Variants in SMG1 observed in about 807,000 individuals in gnomAD.
SMG1 encodes the protein serine/threonine-protein kinase SMG1.
SMG1 carries 22 observed loss-of-function variants against 419.9 expected under a neutral mutation model. The observed-to-expected ratio is 0.05, with a 90% CI of 0.04 to 0.07. The LOEUF is 0.07. Ranked by LOEUF, SMG1 falls within the 10% of genes least tolerant of loss-of-function variation. The pLI, the probability that SMG1 is intolerant of heterozygous loss-of-function variation, is 1.00. For synonymous variants in SMG1, 1,538 were observed against 1,553.5 expected (o/e 0.99, Z 0.23); for missense variants, 3,185 against 4,342.0 (o/e 0.73, Z 7.49).
chr16:18,885,723 C>G, intron 6 of SMG1, 57 bp from the exon 7 acceptor site: 1 of 1,521,144 alleles, frequency 6.6e-7, no homozygotes, highest in Non-Finnish European at 9.0e-7. Flanking sequence ...AGAAAACAAG[C>G]AAATTAGGTT....
At chr16:18,810,473 A>G (rs1158911238) in intron 62 of SMG1, among the ~76,000 whole-genome samples, 3 of 152,208 alleles carry the variant, frequency 2.0e-5, no homozygotes, top group Non-Finnish European at 2.9e-5. Context: ...ACAAGGATGG[A>G]CAGTCCCTGA....
chr16:18,814,041 A>AT (rs2031736835), intron 60 of SMG1, among the ~76,000 whole-genome samples: 1 of 148,440 alleles, frequency 6.7e-6, no homozygotes, highest in South Asian at 2.1e-4. Context: ...AAAAAAAAAA[A>AT]AAAAATTAAA....
Position 18,875,780 on chromosome 16 carries a change from C to A in SMG1, c.1890+344G>T, listed in dbSNP as rs191810526. 411 of 339,916 alleles carry A rather than the reference C, an allele frequency of 1.2e-3. 3 individuals carry two copies. The highest frequency in any genetic ancestry group is 7.4e-3 in the African/African-American group (343 of 46,400). The allele number at this position is 339,916 out of a possible 1,614,324, so 21.1% of individuals were successfully genotyped here. Reference sequence around the variant, plus strand: ...AAGTACCAGGGGAAGAAGAAAGAGACCGCATTTTAAAACAACTACACAAAT... The same window carrying A: ...AAGTACCAGGGGAAGAAGAAAGAGAACGCATTTTAAAACAACTACACAAAT... On this transcript the variant is annotated intron_variant, in intron 13 of 62. Transcript: ENST00000446231.
In SMG1 at chr16:18,853,862, A is replaced by C; in HGVS notation, c.4489T>G (p.Ser1497Ala). The part of the protein sequence containing the change: ...KTKLLYTAGQ[S>A]THAMEMLSSC... ...CTCAACATTTCCATTGCATGTGTTG[A>C]CTGGCCTACAGAAAACCACAAAGTC... Residue 1497 changes from serine (S) to alanine (A), a missense_variant, in exon 31 of 63, where the codon TCA becomes GCA. Transcript: ENST00000446231. The C allele has an allele frequency of 6.2e-7, 1 of 1,608,834 alleles. No individual in the cohort carries two copies.
chr16:18,883,915 T>A (rs1430496762), intron 9 of SMG1, among the ~76,000 whole-genome samples, 155 bp downstream of exon 9: 1 of 132,206 alleles, frequency 7.6e-6, no homozygotes. Flanking sequence ...CGAGACTCCA[T>A]CTCAAAAAAA....
intron 41 of SMG1, among the ~76,000 whole-genome samples, chr16:18,840,482 C>G (rs779163214): frequency 5.3e-5 from 8 of 152,156 alleles, no homozygotes; most frequent in Non-Finnish European, 1.2e-4. Flanking sequence ...CCTACCTACC[C>G]TTATCAAAAG....
chr16:18,847,785 A>C, intron 37 of SMG1, 31 bp downstream of exon 37: 1 of 1,601,536 alleles, frequency 6.2e-7, no homozygotes. Context: ...TCTATAAAAA[A>C]TTCTTCTACA....
In SMG1 at chr16:18,860,650, A is replaced by G; in HGVS notation, c.3805+17T>C. On this transcript the variant is annotated intron_variant, in intron 26 of 62. Coordinates refer to ENST00000446231, the MANE Select transcript of SMG1 (RefSeq NM_015092.5). Reference sequence around the variant, plus strand: ...ACTTGTCCACTAAAATAACTTTAAAACTATTTTCTCAAATACCTATTTTTT... The same window carrying G: ...ACTTGTCCACTAAAATAACTTTAAAGCTATTTTCTCAAATACCTATTTTTT... 1.7e-6 allele frequency: 2 copies of G among 1,196,304 alleles called. No individual in the cohort carries two copies. The highest frequency in any genetic ancestry group is 2.4e-6 in the Non-Finnish European group (2 of 833,082). The allele number at this position is 1,196,304 out of a possible 1,614,324, so 74.1% of individuals were successfully genotyped here. A position where few individuals can be genotyped will look rare whatever the true frequency, so the allele number is the denominator to read the frequency against.
intron 6 of SMG1, among the ~76,000 whole-genome samples, chr16:18,887,672 T>TAAAAAAAA (rs368196825): frequency 7.6e-5 from 5 of 65,714 alleles, no homozygotes; most frequent in Non-Finnish European, 1.3e-4. Flanking sequence ...ACTTTTTATT[T>TAAAAAAAA]AAAAAAAAAA....
intron 23 of SMG1, among the ~76,000 whole-genome samples, chr16:18,865,939 G>T (rs1287128914): frequency 6.6e-6 from 1 of 152,052 alleles, no homozygotes; most frequent in Non-Finnish European, 1.5e-5. Context: ...TGGGAATACA[G>T]ATGTAAGCCA....
At chr16:18,880,273 C>G (rs912111667) in intron 10 of SMG1, among the ~76,000 whole-genome samples, 9 of 152,158 alleles carry the variant, frequency 5.9e-5, no homozygotes, top group Non-Finnish European at 1.3e-4. Context: ...CAAAATCCCC[C>G]ACTTAACTAT....
intron 6 of SMG1, among the ~76,000 whole-genome samples, chr16:18,889,122 C>T (rs1452576058): frequency 6.6e-6 from 1 of 152,138 alleles, no homozygotes. Context: ...CCGCACCTGG[C>T]GTGTAAGCCA....
Position 18,812,001 on chromosome 16 carries a change from T to A in SMG1, c.10748A>T (p.Lys3583Met). The change falls in exon 61 of 63, where the codon AAG becomes ATG. Residue 3583 changes from lysine (K) to methionine (M), a missense_variant. Physicochemically the swap from Lys to Met is moderately conservative, Grantham distance 95. Coordinates refer to ENST00000446231, the MANE Select transcript of SMG1 (RefSeq NM_015092.5). ...CTTTTTAGGACTACAAGCAACACTC[T>A]TGCCAGTTCCTGGAACGGTGCTTGG... ...TPPSTVPGTGKSVACSPKKAV... is the reference protein window; with the variant it reads ...TPPSTVPGTGMSVACSPKKAV... The A allele has an allele frequency of 6.2e-7, 1 of 1,614,052 alleles. No homozygotes were observed. The highest frequency in any genetic ancestry group is 1.1e-5 in the South Asian group (1 of 91,084).
At position 18,830,811 on chromosome 16, in the gene SMG1, G is replaced by A. The variant is rs541296924; in HGVS notation, c.8793-442C>T. ...TCCATCTCAAAAAAAAAGAAGGAAT[G>A]TTATGATGATAAAATGGTATTTCAT... On this transcript the variant is annotated intron_variant, in intron 51 of 62. Coordinates refer to ENST00000446231, the MANE Select transcript of SMG1 (RefSeq NM_015092.5). Among the ~76,000 whole-genome samples, 12 of 152,060 alleles carry A rather than the reference G, an allele frequency of 7.9e-5. No homozygotes were observed. In the South Asian group the frequency reaches 2.3e-3, roughly 29 times the overall value.
At chr16:18,908,840 G>A (rs576944474) in intron 1 of SMG1, among the ~76,000 whole-genome samples, 4 of 149,574 alleles carry the variant, frequency 2.7e-5, no homozygotes, top group South Asian at 4.2e-4. Context: ...AGATCACGCC[G>A]CTGCACTCCA....
intron 3 of SMG1, among the ~76,000 whole-genome samples, chr16:18,895,492 AAAC>A (rs1013491951): frequency 1.1e-4 from 16 of 149,780 alleles, no homozygotes; most frequent in African/African-American, 3.2e-4. Context: ...AATATATTGA[AAAC>A]AACAACAAAA....
At chr16:18,849,481 T>C (rs1372352461) in intron 35 of SMG1, 103 bp from the exon 36 acceptor site, 4 of 1,107,780 alleles carry the variant, frequency 3.6e-6, no homozygotes, top group Non-Finnish European at 5.2e-6. Context: ...TGTGTCGGCA[T>C]TAGTACGGAT....
chr16:18,830,436 G>T, intron 51 of SMG1, 67 bp from the exon 52 acceptor site: 1 of 1,531,424 alleles, frequency 6.5e-7, no homozygotes, highest in Non-Finnish European at 9.0e-7. Flanking sequence ...AACATACAAA[G>T]TCAGTACATC....
At position 18,829,470 on chromosome 16, in the gene SMG1, T is replaced by G. The variant is rs750620699; in HGVS notation, c.9419A>C (p.Lys3140Thr). ...TATCTGGATGTTATGTTCCACCGCT[T>G]TCTTACAGAGATCATCAACAGAAAC... ...SKVSVDDLCK[K>T]AVEHNIQIGK... is the part of the protein sequence containing the mutation. The change falls in exon 54 of 63, where the codon AAA becomes ACA. Residue 3140 changes from lysine to threonine, a missense_variant. Physicochemically the swap from Lys to Thr is moderately conservative, Grantham distance 78. Around this residue, in one of 27 missense-constraint regions of SMG1, gnomAD observed 737 missense variants for 846.6 expected, o/e 0.87. Coordinates refer to ENST00000446231, the MANE Select transcript of SMG1 (RefSeq NM_015092.5). 2.5e-6 allele frequency: 4 copies of G among 1,613,932 alleles called. No individual in the cohort carries two copies. The highest frequency in any genetic ancestry group is 3.4e-6 in the Non-Finnish European group (4 of 1,179,910).
Sources: allele counts gnomAD v4.1 joint callset (sites outside exome capture counted in the v4.1 genomes callset), GRCh38; gene constraint gnomAD v4.1.1; regional missense constraint gnomAD v4.1.1; transcripts MANE v1.5; gene names NCBI Gene and HGNC (gene_info 2026-07-23, HGNC 2026-07-21).